The following ANK2 variants were observed in gnomAD, a reference collection of about 807,000 sequenced individuals.
ANK2 encodes the protein ankyrin-2.
Under a neutral mutation model 360.5 loss-of-function variants are expected in ANK2, and 83 were observed. The ratio of observed to expected loss-of-function variants is 0.23; its 90% CI spans 0.19 to 0.28. The LOEUF (loss-of-function observed/expected upper bound fraction) is 0.28, where lower values mean the gene tolerates loss of function less well. Among genes scored for constraint, ANK2 ranks in the 10% least tolerant of loss-of-function variants. The pLI, the probability that ANK2 is intolerant of heterozygous loss-of-function variation, is 1.00. For synonymous variants in ANK2, 1,740 were observed against 1,759.5 expected (o/e 0.99, Z 0.28); for missense variants, 4,201 against 4,795.7 (o/e 0.88, Z 3.66).
rs540840540 is a variant in ANK2, at chr4:113,310,838, A to G, written c.2549-417A>G. Among the ~76,000 whole-genome samples, 198 of 152,352 alleles carry G rather than the reference A, an allele frequency of 1.3e-3. 1 individual carries two copies. The highest frequency in any genetic ancestry group is 9.3e-4 in the Non-Finnish European group (63 of 68,034). On this transcript the variant is annotated intron_variant, in intron 23 of 45. Transcript: ENST00000357077. ...AACCATCCCCTTCACCTTTTCATGA[A>G]TAAGAATAGATGTAGTCTCCTGAAA... is the stretch of plus-strand genomic sequence containing the variant.
the ANK2 span, among the ~76,000 whole-genome samples, chr4:112,810,573 A>C: frequency 6.6e-6 from 1 of 151,996 alleles, no homozygotes; most frequent in African/African-American, 2.4e-5. Flanking sequence ...TATTTTTTAG[A>C]TGGCGTCTCA....
chr4:113,029,904 G>A (rs538635287), intron 2 of ANK2, among the ~76,000 whole-genome samples: 1 of 152,176 alleles, frequency 6.6e-6, no homozygotes, highest in East Asian at 1.9e-4. Context: ...CATTTGATTA[G>A]CATCCATACA....
At chr4:113,094,722 T>TA (rs558568122) in intron 1 of ANK2, among the ~76,000 whole-genome samples, 8 of 152,176 alleles carry the variant, frequency 5.3e-5, no homozygotes, top group Non-Finnish European at 1.0e-4. Context: ...GCAATCAAGA[T>TA]AAAAAACACA....
At chr4:112,898,937 C>G (rs2082497193) in intron 1 of ANK2, among the ~76,000 whole-genome samples, 1 of 152,124 alleles carries the variant, frequency 6.6e-6, no homozygotes, top group Non-Finnish European at 1.5e-5. Flanking sequence ...ACTGTCAGTT[C>G]AGATATTTCA....
chr4:113,130,981 G>A (rs568185556), intron 1 of ANK2, among the ~76,000 whole-genome samples: 2 of 152,248 alleles, frequency 1.3e-5, no homozygotes, highest in East Asian at 3.9e-4. Context: ...TATGAAGGAT[G>A]AGACAAAAAA....
Position 113,356,551 on chromosome 4 carries a change from G to A in ANK2, c.7933G>A (p.Asp2645Asn), listed in dbSNP as rs765710119. Residue 2645 changes from aspartate (D) to asparagine (N), a missense_variant, in exon 38 of 46, where the codon GAT becomes AAT. This residue lies in a region of ANK2 where 2,642 missense variants were observed against 2,714.5 expected (regional missense o/e 0.97). Transcript: ENST00000357077. ...DEPKHTGSGE[D>N]ESGVPVLVTS... is the part of the protein sequence containing the mutation. ...ACCAAAACATACAGGCAGTGGGGAG[G>A]ATGAAAGTGGTGTCCCTGTGTTAGT... 1.2e-6 allele frequency: 2 copies of A among 1,614,130 alleles called. No homozygotes were observed. Among genetic ancestry groups the A allele is most frequent in the South Asian group, 2.2e-5 (2 of 91,088 alleles).
chr4:113,296,799 C>T (rs1399099921), intron 22 of ANK2, among the ~76,000 whole-genome samples: 1 of 152,108 alleles, frequency 6.6e-6, no homozygotes, highest in Non-Finnish European at 1.5e-5. Context: ...GCCCAATCCA[C>T]TAATGCAGCT....
At chr4:112,806,707 T>C in the ANK2 span, among the ~76,000 whole-genome samples, 2 of 151,974 alleles carry the variant, frequency 1.3e-5, no homozygotes, top group South Asian at 4.2e-4. Context: ...TGCATGCCTG[T>C]AGTCCCAGCT....
At chr4:112,712,916 T>C in the ANK2 span, among the ~76,000 whole-genome samples, 1 of 152,074 alleles carries the variant, frequency 6.6e-6, no homozygotes, top group East Asian at 1.9e-4. Context: ...TACTGACAAA[T>C]ACTTAAGAGT....
intron 1 of ANK2, chr4:113,173,976 A>G (rs1175359049): frequency 5.0e-6 from 1 of 199,246 alleles, no homozygotes; most frequent in Non-Finnish European, 1.0e-5. Flanking sequence ...AACCAACAGG[A>G]AAGAAAGAGA....
chr4:112,888,830 G>C (rs1007319801), intron 1 of ANK2, among the ~76,000 whole-genome samples: 1 of 152,154 alleles, frequency 6.6e-6, no homozygotes, highest in Admixed American at 6.5e-5. Flanking sequence ...GCAGTTGTCA[G>C]CTGTCCTTGT....
Position 113,367,711 on chromosome 4 carries a change from T to A in ANK2, c.11178T>A (p.Asp3726Glu), listed in dbSNP as rs1373910954. 2 of 1,613,644 alleles carry A rather than the reference T, an allele frequency of 1.2e-6. No homozygotes were observed. The highest frequency in any genetic ancestry group is 2.2e-5 in the South Asian group (2 of 91,054). ...DISVGYSTFQDGVPKTEGDSS... is the reference protein window; with the variant it reads ...DISVGYSTFQEGVPKTEGDSS... ...CTGTTGGTTATTCCACTTTTCAGGA[T>A]GGCGTCCCCAAAACTGAGGGGGACA... Residue 3726 changes from aspartate to glutamate, a missense_variant, in exon 42 of 46, where the codon GAT becomes GAA. Around this residue, in one of 4 missense-constraint regions of ANK2, gnomAD observed 2,642 missense variants for 2,714.5 expected, o/e 0.97. Coordinates refer to ENST00000357077, the MANE Select transcript of ANK2 (RefSeq NM_001148.6).
At chr4:113,091,396 C>T (rs1233035342) in intron 1 of ANK2, among the ~76,000 whole-genome samples, 1 of 152,158 alleles carries the variant, frequency 6.6e-6, no homozygotes, top group Non-Finnish European at 1.5e-5. Context: ...TGGATTGGCA[C>T]AGTCTTTAAG....
Position 113,365,189 on chromosome 4 carries a change from CTGTGTGTGTGTATG to C in ANK2, c.11032+19_11032+32del. ...ACACTGGATCATAGTGAAGGTCAAA[CTGTGTGTGTGTATG>C]TGTGTGTGTGTGTGTGTGTGTGTGT... On this transcript the variant is annotated splice_region_variant and intron_variant, in intron 41 of 45. Coordinates refer to ENST00000357077, the MANE Select transcript of ANK2 (RefSeq NM_001148.6). 4 of 1,562,312 alleles carry C rather than the reference CTGTGTGTGTGTATG, an allele frequency of 2.6e-6. No individual in the cohort carries two copies. Among genetic ancestry groups the C allele is most frequent in the Admixed American group, 1.9e-5 (1 of 54,012 alleles).
At chr4:112,952,305 T>C (rs1020230200) in intron 2 of ANK2, among the ~76,000 whole-genome samples, 17 of 152,242 alleles carry the variant, frequency 1.1e-4, no homozygotes, top group Admixed American at 5.9e-4. Flanking sequence ...GTTTAAAATG[T>C]ATATTTCACT....
At chr4:112,731,390 C>G in the ANK2 span, among the ~76,000 whole-genome samples, 1 of 151,394 alleles carries the variant, frequency 6.6e-6, no homozygotes, top group African/African-American at 2.4e-5. Flanking sequence ...ATCAAAACAT[C>G]TTGTTTTACA....
chr4:112,945,106 C>G (rs1465103331), intron 2 of ANK2, among the ~76,000 whole-genome samples: 1 of 152,212 alleles, frequency 6.6e-6, no homozygotes, highest in African/African-American at 2.4e-5. Flanking sequence ...CTTGGGTTGG[C>G]AGGGGCTCTG....
intron 10 of ANK2, 32 bp downstream of exon 10, chr4:113,249,894 G>T (rs1182509212): frequency 1.3e-6 from 2 of 1,582,628 alleles, no homozygotes; most frequent in Admixed American, 3.4e-5. Flanking sequence ...GGGGTCCTAA[G>T]AAATCTTTAA....
chr4:112,744,934 C>T, the ANK2 span, among the ~76,000 whole-genome samples: 164 of 152,216 alleles, frequency 1.1e-3, no homozygotes, highest in African/African-American at 3.6e-3. Flanking sequence ...TTTATATTTC[C>T]TTATTTGTGA....
Sources: gnomAD v4.1 joint callset for allele counts (sites outside exome capture counted in the v4.1 genomes callset) on GRCh38, gnomAD v4.1.1 for gene constraint, gnomAD v4.1.1 regional missense constraint, MANE v1.5 for transcripts, NCBI Gene and HGNC (gene_info 2026-07-23, HGNC 2026-07-21) for gene names.